The following ANKIB1 variants were observed in gnomAD, a reference collection of about 807,000 sequenced individuals.
ANKIB1 encodes the protein ankyrin repeat and IBR domain containing 1.
ANKIB1 carries 43 observed loss-of-function variants against 122.1 expected under a neutral mutation model. That is an observed-to-expected ratio of 0.35 (90% CI 0.28 to 0.45). ANKIB1 has a LOEUF of 0.45. ANKIB1 is among the 20% of genes least tolerant of loss of function. The pLI is 1.00. For synonymous variants in ANKIB1, 390 were observed against 442.0 expected (o/e 0.88, Z 1.48); for missense variants, 992 against 1,329.5 (o/e 0.75, Z 3.95).
chr7:92,395,874 T>A (rs1416742633), intron 17 of ANKIB1: 1 of 156,320 alleles, frequency 6.4e-6, no homozygotes, highest in African/African-American at 2.4e-5. Flanking sequence ...CATATCCAGT[T>A]TCAATGGCTC....
chr7:92,322,791 A>G (rs1046294730), intron 4 of ANKIB1, among the ~76,000 whole-genome samples: 4 of 152,172 alleles, frequency 2.6e-5, no homozygotes, highest in Admixed American at 1.3e-4. Flanking sequence ...TGCAGTGAAT[A>G]TTTGTCTGAT....
At chr7:92,287,349 G>C (rs1051188201) in intron 1 of ANKIB1, among the ~76,000 whole-genome samples, 2 of 152,118 alleles carry the variant, frequency 1.3e-5, no homozygotes, top group East Asian at 3.9e-4. Flanking sequence ...GTCTTTTCTT[G>C]TTTTGATGGC....
At chr7:92,377,642 AAAAAC>A (rs1304465541) in intron 11 of ANKIB1, among the ~76,000 whole-genome samples, 1 of 152,206 alleles carries the variant, frequency 6.6e-6, no homozygotes, top group Non-Finnish European at 1.5e-5. Context: ...CTGTAATCAA[AAAAAC>A]AAAGCAAACT....
At chr7:92,336,167 A>G (rs1385750187) in intron 5 of ANKIB1, among the ~76,000 whole-genome samples, 2 of 152,040 alleles carry the variant, frequency 1.3e-5, no homozygotes, top group African/African-American at 2.4e-5. Context: ...TAAATAAACT[A>G]TCTTTTTTCT....
intron 1 of ANKIB1, among the ~76,000 whole-genome samples, chr7:92,254,500 G>A (rs1801396315): frequency 6.6e-6 from 1 of 152,056 alleles, no homozygotes; most frequent in African/African-American, 2.4e-5. Context: ...GTCACTGAAT[G>A]CTTTTCTTTT....
rs142677598 is a variant in ANKIB1, at chr7:92,364,983, G to A, written c.1486+2710G>A. Among the ~76,000 whole-genome samples, 25 of 152,292 alleles carry A rather than the reference G, an allele frequency of 1.6e-4. No individual in the cohort carries two copies. The East Asian group carries it at 4.6e-3, about 28-fold the overall frequency. Reference sequence around the variant, plus strand: ...AACTTGAAGTACTTACAGAACATATGTGTGGAGATGTCCAGTGGAATTTTA... The same window carrying A: ...AACTTGAAGTACTTACAGAACATATATGTGGAGATGTCCAGTGGAATTTTA... On this transcript the variant is annotated intron_variant, in intron 10 of 19. Transcript: ENST00000265742.
At position 92,246,243 on chromosome 7, in the gene ANKIB1, C is replaced by T. The variant is rs1428512150; in HGVS notation, c.-367C>T. ...CCCCCGAGTGAGGCGGCGCAGCGGC[C>T]GGAGAGGGATGGGGGGCGCCCACCC... is the stretch of plus-strand genomic sequence containing the variant. On this transcript the variant is annotated 5_prime_UTR_variant, in exon 1 of 20. Coordinates refer to ENST00000265742, the MANE Select transcript of ANKIB1 (RefSeq NM_019004.2). 2 of 381,828 alleles carry T rather than the reference C, an allele frequency of 5.2e-6. No individual in the cohort carries two copies. The highest frequency in any genetic ancestry group is 1.8e-5 in the South Asian group (1 of 55,016). 23.7% of individuals were successfully genotyped at this position (381,828 alleles called of 1,614,324 possible). A position where few individuals can be genotyped will look rare whatever the true frequency, so the allele number is the denominator to read the frequency against.
At chr7:92,377,613 G>A (rs1236732694) in intron 11 of ANKIB1, among the ~76,000 whole-genome samples, 1 of 152,086 alleles carries the variant, frequency 6.6e-6, no homozygotes, top group Non-Finnish European at 1.5e-5. Flanking sequence ...ACAGCAAAGT[G>A]CAATGAAACA....
chr7:92,329,291 A>G (rs1485628631), intron 5 of ANKIB1, among the ~76,000 whole-genome samples: 2 of 152,138 alleles, frequency 1.3e-5, no homozygotes, highest in African/African-American at 4.8e-5. Context: ...TGTTTCTGAC[A>G]GTCTACAACT....
At chr7:92,368,229 A>G (rs1467785307) in intron 10 of ANKIB1, among the ~76,000 whole-genome samples, 1 of 151,862 alleles carries the variant, frequency 6.6e-6, no homozygotes, top group Admixed American at 6.6e-5. Context: ...TTCTGTTAAT[A>G]GATCTTGGAT....
In ANKIB1 at chr7:92,391,335, C is replaced by A. The variant is rs918995109; in HGVS notation, c.2222C>A (p.Pro741Gln). ...GCTCCTGCAGACTCACCAGAAGCTCCAAGGCGCAGGTAAAAAGGACGTACA... is the reference window on the plus strand; with the variant it reads ...GCTCCTGCAGACTCACCAGAAGCTCAAAGGCGCAGGTAAAAAGGACGTACA... ...GVAPADSPEAPRRSFAGGTWD... is the reference protein window; with the variant it reads ...GVAPADSPEAQRRSFAGGTWD... Residue 741 changes from proline (P) to glutamine (Q), a missense_variant, in exon 16 of 20, where the codon CCA (proline) becomes CAA (glutamine). By Grantham distance (76) the Pro-to-Gln change is moderately conservative. Coordinates refer to ENST00000265742, the MANE Select transcript of ANKIB1 (RefSeq NM_019004.2). The A allele has an allele frequency of 1.9e-5, 30 of 1,611,230 alleles. No homozygotes were observed. The highest frequency in any genetic ancestry group is 2.5e-5 in the Non-Finnish European group (30 of 1,178,468).
At position 92,296,150 on chromosome 7, in the gene ANKIB1, C is replaced by T. The variant is rs1372119626; in HGVS notation, c.188+984C>T. On this transcript the variant is annotated intron_variant, in intron 2 of 19. Coordinates refer to ENST00000265742, the MANE Select transcript of ANKIB1 (RefSeq NM_019004.2). ...AAACATGCCGTGAGGTTTCTGTCTG[C>T]CATGTCCATGCTGTTCTCTTGGCCA... 2.0e-5 allele frequency among the ~76,000 whole-genome samples: 3 copies of T among 152,068 alleles called. 1 individual carries two copies. In the South Asian group the frequency reaches 6.2e-4, roughly 31 times the overall value.
intron 9 of ANKIB1, among the ~76,000 whole-genome samples, chr7:92,356,717 G>A (rs574456838): frequency 3.2e-4 from 48 of 152,258 alleles, no homozygotes; most frequent in African/African-American, 1.2e-3. Flanking sequence ...AACATACAGT[G>A]CAAGTTCCAG....
chr7:92,272,350 T>C (rs931093206), intron 1 of ANKIB1, among the ~76,000 whole-genome samples: 2 of 152,238 alleles, frequency 1.3e-5, no homozygotes, highest in East Asian at 1.9e-4. Flanking sequence ...GCAGTAATAT[T>C]GTAAGCTAGA....
intron 11 of ANKIB1, among the ~76,000 whole-genome samples, chr7:92,371,957 GTGTGT>G (rs1804269721): frequency 4.4e-5 from 1 of 22,634 alleles, no homozygotes; most frequent in Admixed American, 3.6e-4. Flanking sequence ...AGGGGTGTGT[GTGTGT>G]GTGTGTGTGT....
intron 3 of ANKIB1, among the ~76,000 whole-genome samples, chr7:92,309,923 TAAA>T (rs869276384): frequency 4.8e-4 from 46 of 96,018 alleles, no homozygotes; most frequent in African/African-American, 1.9e-3. Context: ...AGACTCCATC[TAAA>T]AAAAAAAAAA....
chr7:92,346,799 T>C (rs1458757638), intron 7 of ANKIB1, among the ~76,000 whole-genome samples: 2 of 152,220 alleles, frequency 1.3e-5, no homozygotes, highest in Non-Finnish European at 2.9e-5. Flanking sequence ...TTGAGCTTCA[T>C]TGACCTTCCT....
chr7:92,386,710 TTTC>T, intron 12 of ANKIB1, 67 bp downstream of exon 12: 24 of 1,340,048 alleles, frequency 1.8e-5, no homozygotes, highest in Non-Finnish European at 2.2e-5. Flanking sequence ...TTATTTTGTA[TTTC>T]TTTTTCTATT....
intron 10 of ANKIB1, among the ~76,000 whole-genome samples, chr7:92,367,706 C>T (rs1030576767): frequency 9.2e-5 from 14 of 152,134 alleles, no homozygotes; most frequent in Non-Finnish European, 1.6e-4. Context: ...AAATAGTGTT[C>T]GTTAAGCACT....
Sources: gnomAD v4.1 joint callset for allele counts (sites outside exome capture counted in the v4.1 genomes callset) on GRCh38, gnomAD v4.1.1 for gene constraint, MANE v1.5 for transcripts, NCBI Gene and HGNC (gene_info 2026-07-23, HGNC 2026-07-21) for gene names.